LMO7: variants seen among roughly 807,000 people sequenced by gnomAD.
LMO7 encodes the protein LIM domain 7, also known as LIM domain only protein 7.
LMO7 carries 120 observed loss-of-function variants against 206.5 expected under a neutral mutation model. The ratio of observed to expected loss-of-function variants is 0.58; its 90% CI spans 0.50 to 0.68. The LOEUF (loss-of-function observed/expected upper bound fraction) is 0.68, where lower values mean the gene tolerates loss of function less well. Among genes scored for constraint, LMO7 ranks in the 30% least tolerant of loss-of-function variants. The pLI is 0.00. For synonymous variants in LMO7, 706 were observed against 681.5 expected (o/e 1.04, Z -0.56); for missense variants, 1,959 against 1,957.9 (o/e 1.00, Z -0.01).
At chr13:75,832,929 C>T in intron 15 of LMO7, 122 bp from the exon 16 acceptor site, 1 of 559,796 alleles carries the variant, frequency 1.8e-6, no homozygotes, top group Non-Finnish European at 3.3e-6. Flanking sequence ...AATGAAGCTT[C>T]TAGTTTATCA....
intron 11 of LMO7, among the ~76,000 whole-genome samples, chr13:75,809,893 G>A (rs979432843): frequency 4.8e-5 from 7 of 146,792 alleles, no homozygotes; most frequent in Admixed American, 7.0e-5. Context: ...GTGAAGTGGC[G>A]CAATCTTGGC....
intron 3 of LMO7, among the ~76,000 whole-genome samples, chr13:75,744,861 C>T (rs137929120): frequency 3.8e-4 from 58 of 152,212 alleles, no homozygotes; most frequent in Middle Eastern, 3.4e-3. Context: ...ACAGCCTTGT[C>T]GACCAGAAAC....
intron 1 of LMO7, among the ~76,000 whole-genome samples, chr13:75,667,772 T>A (rs1221498780): frequency 6.6e-6 from 1 of 152,218 alleles, no homozygotes; most frequent in African/African-American, 2.4e-5. Flanking sequence ...CTTGATTGTC[T>A]TTTCTCCTGG....
At chr13:75,694,540 T>C (rs992330509) in intron 1 of LMO7, among the ~76,000 whole-genome samples, 18 of 152,144 alleles carry the variant, frequency 1.2e-4, no homozygotes, top group African/African-American at 4.3e-4. Context: ...GAACAATCCA[T>C]AGGAGAATGT....
In LMO7 at chr13:75,804,274, G is replaced by A. The variant is rs114491409; in HGVS notation, c.662-15G>A. ...AATCTGGAGAGTAAAGCAAATTCTT[G>A]TGCCTTCTTTATAGGTTTTGAAAGT... On this transcript the variant is annotated splice_polypyrimidine_tract_variant and intron_variant, in intron 7 of 30. Transcript: ENST00000377534. 3,485 of 1,605,882 alleles carry A rather than the reference G, an allele frequency of 2.2e-3. 54 individuals carry two copies. In the African/African-American group the frequency reaches 0.037, roughly 17 times the overall value.
intron 9 of LMO7, chr13:75,806,012 C>A: frequency 8.3e-7 from 1 of 1,210,264 alleles, no homozygotes; most frequent in Non-Finnish European, 1.0e-6. Flanking sequence ...TTCTCCAATT[C>A]TTTGTCTCAT....
At chr13:75,736,685 C>T (rs532334967) in intron 3 of LMO7, among the ~76,000 whole-genome samples, 1 of 152,146 alleles carries the variant, frequency 6.6e-6, no homozygotes, top group Non-Finnish European at 1.5e-5. Context: ...AAATGTGCCA[C>T]AGAGCATTAC....
intron 1 of LMO7, among the ~76,000 whole-genome samples, chr13:75,638,628 G>C (rs1396950080): frequency 1.3e-5 from 2 of 152,024 alleles, no homozygotes; most frequent in East Asian, 1.9e-4. Context: ...GTGTATATAT[G>C]AGTAATTTAC....
chr13:75,750,503 C>T (rs967393542), intron 3 of LMO7, among the ~76,000 whole-genome samples: 2 of 151,174 alleles, frequency 1.3e-5, no homozygotes, highest in Non-Finnish European at 1.5e-5. Context: ...TGTACTCCCA[C>T]TTCAGCCTCC....
upstream of LMO7, chr13:75,631,448 C>A (rs2034935579): frequency 6.6e-6 from 1 of 152,108 alleles, no homozygotes; most frequent in Non-Finnish European, 1.5e-5. Flanking sequence ...ATGCTTGATG[C>A]CATCACAGGT....
At chr13:75,671,441 C>G (rs1386758690) in intron 1 of LMO7, among the ~76,000 whole-genome samples, 1 of 152,026 alleles carries the variant, frequency 6.6e-6, no homozygotes, top group African/African-American at 2.4e-5. Flanking sequence ...ATTTTCAGCT[C>G]CCTTGTAGTC....
intron 1 of LMO7, among the ~76,000 whole-genome samples, chr13:75,699,396 G>C (rs2137874823): frequency 7.3e-6 from 1 of 136,092 alleles, no homozygotes; most frequent in East Asian, 2.3e-4. Context: ...CAATTTCCAA[G>C]ATAGAAGATT....
intron 12 of LMO7, 70 bp from the exon 13 acceptor site, chr13:75,819,323 C>T (rs768705365): frequency 6.8e-7 from 1 of 1,478,074 alleles, no homozygotes; most frequent in Non-Finnish European, 9.0e-7. Flanking sequence ...GATACTCTGG[C>T]ACATTCTGTC....
At chr13:75,810,648 T>G (rs948257252) in intron 11 of LMO7, among the ~76,000 whole-genome samples, 3 of 152,260 alleles carry the variant, frequency 2.0e-5, no homozygotes, top group Non-Finnish European at 4.4e-5. Flanking sequence ...ATTGTAACTT[T>G]CAGAAAAATT....
In LMO7 at chr13:75,648,519, T is replaced by C. The variant is rs141928518; in HGVS notation, c.69+11793T>C. 6.3e-4 allele frequency among the ~76,000 whole-genome samples: 96 copies of C among 152,324 alleles called. 1 individual carries two copies. The highest frequency in any genetic ancestry group is 2.3e-3 in the Admixed American group (35 of 15,302). On this transcript the variant is annotated intron_variant, in intron 1 of 30. Coordinates refer to ENST00000377534, the MANE Select transcript of LMO7 (RefSeq NM_001306080.2). ...ACATAGCCCTGCCTGTTGTTTGGCATGTACACATCCTGTTGTGCTATTGGC... is the reference window on the plus strand; with the variant it reads ...ACATAGCCCTGCCTGTTGTTTGGCACGTACACATCCTGTTGTGCTATTGGC...
chr13:75,761,018 A>T lies in LMO7; in HGVS notation c.297A>T (p.Leu99Phe), dbSNP rs770840083. The T allele has an allele frequency of 2.5e-6, 4 of 1,611,974 alleles. No individual in the cohort carries two copies. Among genetic ancestry groups the T allele is most frequent in the Non-Finnish European group, 1.7e-6 (2 of 1,178,756 alleles). ...TCCATCCTGGAGATCTACAGGATTT[A>T]TCAAATCGAGTCACTGTCAAGTAAG... is the stretch of plus-strand genomic sequence containing the variant. Reference protein sequence around the residue: ...QLFHPGDLQDLSNRVTVKQEE... With the variant: ...QLFHPGDLQDFSNRVTVKQEE... The change falls in exon 4 of 31, where the codon TTA becomes TTT. Residue 99 changes from leucine to phenylalanine, a missense_variant. Physicochemically the swap from Leu to Phe is conservative, Grantham distance 22. Transcript: ENST00000377534.
intron 21 of LMO7, 105 bp from the exon 22 acceptor site, chr13:75,840,286 G>T (rs748520420): frequency 1.2e-5 from 17 of 1,422,656 alleles, no homozygotes; most frequent in Admixed American, 3.6e-5. Context: ...TACAGTTTAA[G>T]CAAACTGTGA....
intron 1 of LMO7, among the ~76,000 whole-genome samples, chr13:75,706,437 C>T (rs1032555352): frequency 9.9e-5 from 15 of 152,056 alleles, no homozygotes; most frequent in Admixed American, 5.2e-4. Flanking sequence ...TCAGATTTTT[C>T]GAGTTATTGA....
Position 75,636,519 on chromosome 13 carries a change from C to G in LMO7, c.-139C>G. 1 of 1,513,056 alleles carries G rather than the reference C, an allele frequency of 6.6e-7. No homozygotes were observed. Among genetic ancestry groups the G allele is most frequent in the South Asian group, 1.2e-5 (1 of 80,702 alleles). 93.7% of individuals were successfully genotyped at this position (1,513,056 alleles called of 1,614,324 possible). A position where few individuals can be genotyped will look rare whatever the true frequency, so the allele number is the denominator to read the frequency against. Reference sequence around the variant, plus strand: ...GAGCGCAACAAAGGGAACTAGAGCCCCGGCGCCTTCGCAGCCGGAGCGGAA... The same window carrying G: ...GAGCGCAACAAAGGGAACTAGAGCCGCGGCGCCTTCGCAGCCGGAGCGGAA... On this transcript the variant is annotated 5_prime_UTR_variant, in exon 1 of 31. Transcript: ENST00000377534.
Sources: gnomAD v4.1 joint callset for allele counts (sites outside exome capture counted in the v4.1 genomes callset) on GRCh38, gnomAD v4.1.1 for gene constraint, MANE v1.5 for transcripts, NCBI Gene and HGNC (gene_info 2026-07-23, HGNC 2026-07-21) for gene names.